The following EXOC4 variants were observed in gnomAD, a reference collection of about 807,000 sequenced individuals.
EXOC4 encodes SEC8-like 1.
EXOC4 carries 71 observed loss-of-function variants against 107.2 expected under a neutral mutation model. The ratio of observed to expected loss-of-function variants is 0.66; its 90% CI spans 0.55 to 0.81. The LOEUF (loss-of-function observed/expected upper bound fraction) is 0.81. Among genes scored for constraint, EXOC4 ranks in the 30% least tolerant of loss-of-function variants. EXOC4 has a pLI of 0.00. For missense variants in EXOC4, 1,108 were observed against 1,189.6 expected, an observed-to-expected ratio of 0.93 and a Z score of 1.01; for synonymous variants, 456 against 441.2, an observed-to-expected ratio of 1.03 and a Z score of -0.42.
intron 9 of EXOC4, among the ~76,000 whole-genome samples, chr7:133,584,852 A>G (rs1801365152): frequency 6.6e-6 from 1 of 152,128 alleles, no homozygotes; most frequent in Non-Finnish European, 1.5e-5. Context: ...CTGGGATTAC[A>G]GGCGTGAGCC....
At chr7:133,401,166 A>G (rs1797079914) in intron 7 of EXOC4, among the ~76,000 whole-genome samples, 1 of 146,654 alleles carries the variant, frequency 6.8e-6, no homozygotes. Context: ...GAATAATTCC[A>G]GAGCCCACTT....
At chr7:133,553,098 A>T (rs1800622714) in intron 9 of EXOC4, among the ~76,000 whole-genome samples, 1 of 152,142 alleles carries the variant, frequency 6.6e-6, no homozygotes, top group Non-Finnish European at 1.5e-5. Context: ...GCACTGATTG[A>T]TTCTTTATTG....
At chr7:134,052,672 C>A (rs1442094803) in intron 17 of EXOC4, among the ~76,000 whole-genome samples, 1 of 152,126 alleles carries the variant, frequency 6.6e-6, no homozygotes, top group Non-Finnish European at 1.5e-5. Context: ...GATTAATCTT[C>A]AAACCTAATG....
chr7:133,642,156 AATTC>A (rs1402958154), intron 10 of EXOC4, among the ~76,000 whole-genome samples: 6 of 152,068 alleles, frequency 3.9e-5, no homozygotes, highest in South Asian at 2.1e-4. Flanking sequence ...TGTTATTTTT[AATTC>A]ATTCTTTTTT....
intron 10 of EXOC4, among the ~76,000 whole-genome samples, chr7:133,702,324 G>C (rs1306465294): frequency 1.2e-4 from 1 of 8,624 alleles, no homozygotes; most frequent in Non-Finnish European, 2.6e-4. Context: ...ATGCTGGTTT[G>C]TTCATTCTCT....
At chr7:133,539,511 A>G (rs1800339685) in intron 9 of EXOC4, among the ~76,000 whole-genome samples, 1 of 150,764 alleles carries the variant, frequency 6.6e-6, no homozygotes, top group African/African-American at 2.4e-5. Context: ...TCTAGATCTC[A>G]GTTGCATTCT....
At chr7:133,706,497 G>T (rs1794771935) in intron 10 of EXOC4, among the ~76,000 whole-genome samples, 1 of 152,084 alleles carries the variant, frequency 6.6e-6, no homozygotes, top group South Asian at 2.1e-4. Flanking sequence ...TATAGTGCAA[G>T]CCACAAATGT....
intron 10 of EXOC4, among the ~76,000 whole-genome samples, chr7:133,654,623 C>G (rs751787567): frequency 9.2e-5 from 14 of 152,132 alleles, no homozygotes; most frequent in Non-Finnish European, 1.8e-4. Flanking sequence ...TCCCTCTTAT[C>G]TCAGTACTGG....
At chr7:133,960,968 T>G (rs1800929191) in intron 14 of EXOC4, among the ~76,000 whole-genome samples, 1 of 152,192 alleles carries the variant, frequency 6.6e-6, no homozygotes, top group African/African-American at 2.4e-5. Flanking sequence ...CCCAACGATG[T>G]CCACGTCCTA....
intron 14 of EXOC4, among the ~76,000 whole-genome samples, chr7:133,945,527 A>C (rs1372552948): frequency 4.6e-5 from 7 of 152,162 alleles, no homozygotes. Flanking sequence ...CTGTCACCCA[A>C]ATCTGATTAA....
In EXOC4 at chr7:133,363,975, G is replaced by A. The variant is rs147358659; in HGVS notation, c.1007+7402G>A. On this transcript the variant is annotated intron_variant, in intron 6 of 17. Coordinates refer to ENST00000253861, the MANE Select transcript of EXOC4 (RefSeq NM_021807.4). ...ATATATGATTAAAGCACCTTCATGT[G>A]TCTCTCAGGCTGTATTTCAAATTGT... 2.6e-3 allele frequency among the ~76,000 whole-genome samples: 390 copies of A among 152,206 alleles called. 3 individuals carry two copies. The highest frequency in any genetic ancestry group is 8.5e-3 in the African/African-American group (352 of 41,530).
At chr7:133,926,275 T>G (rs1800050762) in intron 13 of EXOC4, among the ~76,000 whole-genome samples, 1 of 152,182 alleles carries the variant, frequency 6.6e-6, no homozygotes, top group Admixed American at 6.5e-5. Context: ...GGTAATTGAC[T>G]CTGACTTCCA....
chr7:133,419,248 C>T (rs977728067), intron 7 of EXOC4, among the ~76,000 whole-genome samples: 1 of 151,950 alleles, frequency 6.6e-6, no homozygotes, highest in Admixed American at 6.6e-5. Context: ...GCACCACCAG[C>T]AGCATATGAG....
chr7:133,333,259 A>G (rs1325948888), intron 5 of EXOC4, among the ~76,000 whole-genome samples: 1 of 152,124 alleles, frequency 6.6e-6, no homozygotes, highest in East Asian at 1.9e-4. Flanking sequence ...TTATTGCTCA[A>G]ATTGTCCCAA....
chr7:133,640,110 C>T (rs1016382256), intron 10 of EXOC4, among the ~76,000 whole-genome samples: 1 of 151,976 alleles, frequency 6.6e-6, no homozygotes, highest in African/African-American at 2.4e-5. Flanking sequence ...CATGTGTATA[C>T]ATAAGTGTAA....
chr7:133,975,656 A>G lies in EXOC4; in HGVS notation c.2207-21836A>G, dbSNP rs543828460. ...ATGATGAGGGGTGGGAGATTATACAATATAACATTTGAACTATAAAATGCT... is the reference window on the plus strand; with the variant it reads ...ATGATGAGGGGTGGGAGATTATACAGTATAACATTTGAACTATAAAATGCT... On this transcript the variant is annotated intron_variant, in intron 14 of 17. Coordinates refer to ENST00000253861, the MANE Select transcript of EXOC4 (RefSeq NM_021807.4). Among the ~76,000 whole-genome samples, 6 of 152,326 alleles carry G rather than the reference A, an allele frequency of 3.9e-5. No homozygotes were observed. The South Asian group carries it at 8.3e-4, about 21-fold the overall frequency.
At position 133,576,203 on chromosome 7, in the gene EXOC4, C is replaced by T. The variant is rs373327557; in HGVS notation, c.1418-53842C>T. Among the ~76,000 whole-genome samples the T allele has an allele frequency of 2.0e-5, 3 of 152,234 alleles. No individual in the cohort carries two copies. The East Asian group carries it at 5.8e-4, about 29-fold the overall frequency. ...TATTTTTTGGAATAGAGAAAATTCT[C>T]AAGATGTTAATGCAGGCTGGCATGA... On this transcript the variant is annotated intron_variant, in intron 9 of 17. Coordinates refer to ENST00000253861, the MANE Select transcript of EXOC4 (RefSeq NM_021807.4).
intron 10 of EXOC4, among the ~76,000 whole-genome samples, chr7:133,683,081 T>G (rs1794221486): frequency 6.6e-6 from 1 of 152,194 alleles, no homozygotes; most frequent in African/African-American, 2.4e-5. Context: ...GCACTATGAC[T>G]CTTTTGAATG....
At chr7:133,544,711 C>G (rs1800446729) in intron 9 of EXOC4, among the ~76,000 whole-genome samples, 1 of 144,368 alleles carries the variant, frequency 6.9e-6, no homozygotes, top group Non-Finnish European at 1.5e-5. Context: ...GATTTTTAAC[C>G]AAATCGAGGG....
Sources: allele counts gnomAD v4.1 joint callset (sites outside exome capture counted in the v4.1 genomes callset), GRCh38; gene constraint gnomAD v4.1.1; transcripts MANE v1.5; gene names NCBI Gene and HGNC (gene_info 2026-07-23, HGNC 2026-07-21).